CDH13: variants seen among roughly 807,000 people sequenced by gnomAD.
CDH13 encodes cadherin-13.
CDH13 carries 24 observed loss-of-function variants against 63.8 expected under a neutral mutation model. The ratio of observed to expected loss-of-function variants is 0.38; its 90% CI spans 0.27 to 0.53. The LOEUF is 0.53. CDH13 is among the 20% of genes least tolerant of loss of function. The probability of loss-of-function intolerance (pLI) is 0.85; values close to 1 mark genes in which losing one functional copy is unlikely to be tolerated. For missense variants in CDH13, 1,049 were observed against 903.1 expected (o/e 1.16, Z -2.07); for synonymous variants, 503 against 355.3 (o/e 1.42, Z -4.67).
chr16:83,450,355 A>G (rs1352901659), intron 6 of CDH13, among the ~76,000 whole-genome samples: 1 of 152,170 alleles, frequency 6.6e-6, no homozygotes. Flanking sequence ...ACCAGCAACA[A>G]GTGACTCAGT....
chr16:83,629,807 T>C (rs1387504458), intron 8 of CDH13, among the ~76,000 whole-genome samples: 11 of 152,226 alleles, frequency 7.2e-5, no homozygotes, highest in Admixed American at 5.9e-4. Flanking sequence ...GGAAAACTCC[T>C]TGGCCATCAA....
intron 5 of CDH13, among the ~76,000 whole-genome samples, 176 bp downstream of exon 5, chr16:83,217,673 G>A (rs574260130): frequency 3.3e-5 from 5 of 152,242 alleles, no homozygotes; most frequent in East Asian, 3.9e-4. Context: ...GCAACAGTGG[G>A]GGGTCTTTAT....
At chr16:82,962,160 T>C (rs1476358342) in intron 2 of CDH13, among the ~76,000 whole-genome samples, 2 of 152,210 alleles carry the variant, frequency 1.3e-5, no homozygotes, top group African/African-American at 4.8e-5. Context: ...TAATCCTGAA[T>C]TATCTGAGCG....
chr16:83,345,807 C>T (rs978172211), intron 6 of CDH13, among the ~76,000 whole-genome samples: 1 of 152,104 alleles, frequency 6.6e-6, no homozygotes, highest in Non-Finnish European at 1.5e-5. Flanking sequence ...AAAAAAACAC[C>T]ATATTAAGAG....
chr16:83,046,985 G>T (rs1162420987), intron 3 of CDH13, among the ~76,000 whole-genome samples: 3 of 152,166 alleles, frequency 2.0e-5, no homozygotes, highest in African/African-American at 7.2e-5. Flanking sequence ...AAATCAGATG[G>T]TTTCCTCAAC....
chr16:83,045,871 C>G (rs1047862616), intron 3 of CDH13, among the ~76,000 whole-genome samples: 2 of 152,214 alleles, frequency 1.3e-5, no homozygotes, highest in Non-Finnish European at 2.9e-5. Context: ...CCAAAGTTTT[C>G]AGGCAGAAGC....
At chr16:82,746,935 C>T (rs1240043175) in intron 1 of CDH13, among the ~76,000 whole-genome samples, 2 of 152,092 alleles carry the variant, frequency 1.3e-5, no homozygotes, top group African/African-American at 2.4e-5. Context: ...CTGTTTCTTT[C>T]GTTTTTATAT....
chr16:83,356,236 G>A lies in CDH13; in HGVS notation c.781+11230G>A, dbSNP rs890849773. Among the ~76,000 whole-genome samples the A allele has an allele frequency of 5.7e-3, 842 of 148,558 alleles. 18 individuals are homozygous for A. The highest frequency in any genetic ancestry group is 0.02 in the African/African-American group (796 of 39,182). On this transcript the variant is annotated intron_variant, in intron 6 of 13. Coordinates refer to ENST00000567109, the MANE Select transcript of CDH13 (RefSeq NM_001257.5). ...CATGTGTGTGTGTGTGTGTGTGTGT[G>A]TGTGTGTGTGTGTGTGTGTGTGTGT...
chr16:83,763,622 G>A (rs1914152248), intron 11 of CDH13, among the ~76,000 whole-genome samples: 1 of 152,140 alleles, frequency 6.6e-6, no homozygotes, highest in African/African-American at 2.4e-5. Context: ...AAAGATGCTA[G>A]TTTGGATAAA....
chr16:83,717,151 T>G (rs1169635489), intron 10 of CDH13: 3 of 152,296 alleles, frequency 2.0e-5, no homozygotes, highest in African/African-American at 7.2e-5. Flanking sequence ...TCCCAGCTAC[T>G]TGGGAGGCTG....
chr16:82,689,299 T>A (rs968478258), intron 1 of CDH13, among the ~76,000 whole-genome samples: 7 of 152,158 alleles, frequency 4.6e-5, no homozygotes, highest in African/African-American at 1.7e-4. Context: ...TCAGCAGGTA[T>A]GAATCACTGC....
intron 7 of CDH13, among the ~76,000 whole-genome samples, chr16:83,513,216 G>C (rs2074616345): frequency 6.6e-6 from 1 of 152,068 alleles, no homozygotes. Context: ...ATCAAACAAA[G>C]ATCCATGTTC....
chr16:82,658,437 C>G (rs1359396246), intron 1 of CDH13, among the ~76,000 whole-genome samples: 1 of 152,134 alleles, frequency 6.6e-6, no homozygotes, highest in African/African-American at 2.4e-5. Context: ...TGTGATAAAT[C>G]CCATCATGGT....
At chr16:82,680,967 A>G (rs1014332739) in intron 1 of CDH13, among the ~76,000 whole-genome samples, 4 of 152,232 alleles carry the variant, frequency 2.6e-5, no homozygotes, top group African/African-American at 7.2e-5. Flanking sequence ...GAAAGTGAGA[A>G]GAGAAGGGAG....
chr16:83,295,034 C>G (rs550023655), intron 5 of CDH13, among the ~76,000 whole-genome samples: 10 of 152,190 alleles, frequency 6.6e-5, no homozygotes, highest in African/African-American at 2.4e-4. Flanking sequence ...ACAACAGACA[C>G]ATAGACCAAT....
rs542581054 is a variant in CDH13, at chr16:82,981,508, G to A, written c.158-50502G>A. Among the ~76,000 whole-genome samples the A allele has an allele frequency of 2.0e-5, 3 of 152,230 alleles. 1 individual carries two copies. Among genetic ancestry groups the A allele is most frequent in the African/African-American group, 7.2e-5 (3 of 41,542 alleles). Reference sequence around the variant, plus strand: ...CTCTGCTCTCCTCCTGGGGTAAAGAGTCTTTCCTTGTTAGGGCTTAACCCT... The same window carrying A: ...CTCTGCTCTCCTCCTGGGGTAAAGAATCTTTCCTTGTTAGGGCTTAACCCT... On this transcript the variant is annotated intron_variant, in intron 2 of 13. Transcript: ENST00000567109.
intron 10 of CDH13, among the ~76,000 whole-genome samples, chr16:83,702,915 A>T (rs572196367): frequency 7.4e-4 from 112 of 152,336 alleles, no homozygotes; most frequent in African/African-American, 2.6e-3. Flanking sequence ...CCACCTTAGC[A>T]TAGGATGCAT....
intron 6 of CDH13, among the ~76,000 whole-genome samples, chr16:83,357,021 C>G (rs1370837001): frequency 2.0e-5 from 3 of 152,220 alleles, no homozygotes; most frequent in South Asian, 2.1e-4. Context: ...TCCTATGATA[C>G]TAGTTTATAA....
chr16:83,323,558 G>A (rs2090288447), intron 5 of CDH13, among the ~76,000 whole-genome samples: 1 of 152,026 alleles, frequency 6.6e-6, no homozygotes, highest in African/African-American at 2.4e-5. Context: ...TGGGATTACA[G>A]GCATGAGCTA....
Sources: allele counts gnomAD v4.1 joint callset (sites outside exome capture counted in the v4.1 genomes callset), GRCh38; gene constraint gnomAD v4.1.1; transcripts MANE v1.5; gene names NCBI Gene and HGNC (gene_info 2026-07-23, HGNC 2026-07-21).